Variants in ATRX observed in about 807,000 individuals in gnomAD.
The protein encoded by ATRX is ATRX chromatin remodeler.
In ATRX, 12 loss-of-function variants were observed where a neutral mutation model predicts 172.6. The observed-to-expected ratio is 0.07, with a 90% CI of 0.04 to 0.11. The LOEUF (loss-of-function observed/expected upper bound fraction) is 0.11. Ranked by LOEUF, ATRX falls within the 10% of genes least tolerant of loss-of-function variation. ATRX has a pLI of 1.00. For synonymous variants in ATRX, 674 were observed against 594.7 expected (o/e 1.13, Z -1.94); for missense variants, 1,368 against 1,767.4 (o/e 0.77, Z 4.05).
intron 25 of ATRX, 36 bp downstream of exon 25, chrX:77,599,375 C>T (rs112761215): frequency 1.7e-5 from 20 of 1,198,900 alleles, no homozygotes; most frequent in African/African-American, 3.5e-5. Context: ...TTCCAAATTA[C>T]TGTTCCATGA....
intron 1 of ATRX, among the ~76,000 whole-genome samples, chrX:77,723,127 G>A: frequency 9.0e-6 from 1 of 111,215 alleles, no homozygotes; most frequent in East Asian, 2.8e-4. Flanking sequence ...CTCATAAGTG[G>A]GAGTTGAACA....
intron 27 of ATRX, 105 bp from the exon 28 acceptor site, chrX:77,574,463 T>C: frequency 3.5e-6 from 2 of 569,297 alleles, no homozygotes; most frequent in Non-Finnish European, 6.2e-6. Flanking sequence ...GGGTTATATA[T>C]ATTCTATTTG....
In ATRX at chrX:77,769,281, G is replaced by GTT. The variant is rs368296460; in HGVS notation, c.20+16699_20+16700dup. On this transcript the variant is annotated intron_variant, in intron 1 of 34. Coordinates refer to ENST00000373344, the MANE Select transcript of ATRX (RefSeq NM_000489.6). Reference sequence around the variant, plus strand: ...TTTTCCCACAAACTGTTTTTTGTTTGTTTTTTTTTTTTTTGAGACTGAGTC... The same window carrying GTT: ...TTTTCCCACAAACTGTTTTTTGTTTGTTTTTTTTTTTTTTTTGAGACTGAGTC... 2.6e-4 allele frequency among the ~76,000 whole-genome samples: 26 copies of GTT among 99,023 alleles called. No homozygotes were observed. The South Asian group carries it at 2.6e-3, about 10-fold the overall frequency. The allele number at this position is 99,023 out of a possible 115,157, so 86.0% of individuals were successfully genotyped here. A position where few individuals can be genotyped will look rare whatever the true frequency, so the allele number is the denominator to read the frequency against.
chrX:77,519,950 T>G (rs782452033), intron 34 of ATRX, among the ~76,000 whole-genome samples: 3 of 112,174 alleles, frequency 2.7e-5, no homozygotes, highest in Non-Finnish European at 1.9e-5. Context: ...GTGGTACATA[T>G]ATACAATGGA....
intron 1 of ATRX, among the ~76,000 whole-genome samples, chrX:77,741,316 G>A (rs1395918299): frequency 1.8e-5 from 2 of 110,533 alleles, no homozygotes; most frequent in Admixed American, 1.9e-4. Flanking sequence ...TTTTCTTTTC[G>A]CTGCTCAGTA....
intron 26 of ATRX, among the ~76,000 whole-genome samples, chrX:77,593,229 G>GAAAAAAA (rs781904850): frequency 1.8e-5 from 1 of 55,159 alleles, no homozygotes. Context: ...GTCTCATAAT[G>GAAAAAAA]AAAAAAAAAA....
intron 19 of ATRX, among the ~76,000 whole-genome samples, chrX:77,631,992 TTTTG>T (rs1348343163): frequency 1.8e-5 from 2 of 110,864 alleles, no homozygotes; most frequent in Non-Finnish European, 3.8e-5. Context: ...AAAAGTTTTT[TTTTG>T]TTTTTTTGTT....
chrX:77,508,829 C>A (rs1019267518), intron 34 of ATRX, among the ~76,000 whole-genome samples, 200 bp from the exon 35 acceptor site: 6 of 112,170 alleles, frequency 5.3e-5, no homozygotes, highest in Non-Finnish European at 1.1e-4. Flanking sequence ...GGGCTAAATT[C>A]TCTTAATGTC....
chrX:77,699,472 G>C (rs781804389), intron 2 of ATRX: 42 of 111,627 alleles, frequency 3.8e-4, no homozygotes, highest in African/African-American at 1.3e-3. Flanking sequence ...CCTTGGCCAT[G>C]AAAGTTGGAA....
At chrX:77,664,141 G>A (rs1486206102) in intron 11 of ATRX, among the ~76,000 whole-genome samples, 1 of 110,951 alleles carries the variant, frequency 9.0e-6, no homozygotes, top group Admixed American at 9.6e-5. Context: ...GGCAGTAACT[G>A]ACAAAATTAG....
At chrX:77,725,569 C>G (rs2073993831) in intron 1 of ATRX, among the ~76,000 whole-genome samples, 1 of 111,621 alleles carries the variant, frequency 9.0e-6, no homozygotes. Flanking sequence ...TGGGCAAGGA[C>G]TTCATGTCTA....
At chrX:77,697,962 A>C (rs1459260397) in intron 3 of ATRX, among the ~76,000 whole-genome samples, 2 of 111,984 alleles carry the variant, frequency 1.8e-5, no homozygotes, top group Non-Finnish European at 3.8e-5. Flanking sequence ...CAACAAAGAC[A>C]AAACAAAGAT....
chrX:77,561,978 C>G (rs1557062244), intron 28 of ATRX, among the ~76,000 whole-genome samples: 1 of 111,729 alleles, frequency 9.0e-6, no homozygotes, highest in Admixed American at 9.5e-5. Flanking sequence ...CAGAACTGTT[C>G]TGTCATCACA....
At chrX:77,746,114 A>G (rs912864372) in intron 1 of ATRX, among the ~76,000 whole-genome samples, 2 of 111,395 alleles carry the variant, frequency 1.8e-5, no homozygotes, top group Non-Finnish European at 1.9e-5. Flanking sequence ...ATGGACGTAG[A>G]GCATGGAATG....
intron 10 of ATRX, among the ~76,000 whole-genome samples, chrX:77,667,650 A>C (rs917634863): frequency 5.4e-5 from 6 of 111,970 alleles, no homozygotes; most frequent in Non-Finnish European, 9.4e-5. Flanking sequence ...ACGGAAAGTC[A>C]CAATACATAA....
chrX:77,778,486 G>A (rs2076437744), intron 1 of ATRX, among the ~76,000 whole-genome samples: 1 of 109,370 alleles, frequency 9.1e-6, no homozygotes, highest in Admixed American at 9.8e-5. Context: ...ACTTTGGGAG[G>A]CCAAGGCGGG....
intron 34 of ATRX, among the ~76,000 whole-genome samples, chrX:77,514,590 C>G (rs1263347172): frequency 8.9e-6 from 1 of 112,313 alleles, no homozygotes; most frequent in Non-Finnish European, 1.9e-5. Flanking sequence ...TCCTTACACA[C>G]CATATACAAA....
In ATRX at chrX:77,557,441, A is replaced by G. The variant is rs1602531185; in HGVS notation, c.6699+10T>C. The G allele has an allele frequency of 1.7e-6, 2 of 1,208,459 alleles. No homozygotes were observed. The highest frequency in any genetic ancestry group is 2.2e-6 in the Non-Finnish European group (2 of 892,848). On this transcript the variant is annotated intron_variant, in intron 30 of 34. Coordinates refer to ENST00000373344, the MANE Select transcript of ATRX (RefSeq NM_000489.6). ...TTGGTTTGTTAAGCCAATAATCTAA[A>G]TATGTTTACCTTTGGCAGCATGGGA...
chrX:77,682,723 T>C lies in ATRX; in HGVS notation c.2533A>G (p.Lys845Glu). Reference sequence around the variant, plus strand: ...TCATCTTCAGAAGAGTCAAAATCTTTTGTATTTGGAATTCTTTTTTTGGTG... The same window carrying C: ...TCATCTTCAGAAGAGTCAAAATCTTCTGTATTTGGAATTCTTTTTTTGGTG... ...RTTKKRIPNT[K>E]DFDSSEDEKH... Residue 845 changes from lysine (K) to glutamate (E), a missense_variant, in exon 9 of 35, where the codon AAA becomes GAA. Physicochemically the swap from Lys to Glu is moderately conservative, Grantham distance 56. This residue lies in a region of ATRX where 843 missense variants were observed against 643.1 expected (regional missense o/e 1.31). Coordinates refer to ENST00000373344, the MANE Select transcript of ATRX (RefSeq NM_000489.6). 8 of 1,210,089 alleles carry C rather than the reference T, an allele frequency of 6.6e-6. No homozygotes were observed. The highest frequency in any genetic ancestry group is 7.8e-6 in the Non-Finnish European group (7 of 895,189).
Sources: gnomAD v4.1 joint callset for allele counts (sites outside exome capture counted in the v4.1 genomes callset) on GRCh38, gnomAD v4.1.1 for gene constraint, gnomAD v4.1.1 regional missense constraint, MANE v1.5 for transcripts, NCBI Gene and HGNC (gene_info 2026-07-23, HGNC 2026-07-21) for gene names.